Variants in GALNTL6 observed in about 807,000 individuals in gnomAD.
GALNTL6 encodes polypeptide N-acetylgalactosaminyltransferase like 6.
GALNTL6 carries 46 observed loss-of-function variants against 73.7 expected under a neutral mutation model. The observed-to-expected ratio is 0.62, with a 90% CI of 0.49 to 0.80. The LOEUF (loss-of-function observed/expected upper bound fraction) is 0.80. Ranked by LOEUF, GALNTL6 falls within the 30% of genes least tolerant of loss-of-function variation. GALNTL6 has a pLI of 0.00. For synonymous variants in GALNTL6, 259 were observed against 263.7 expected (o/e 0.98, Z 0.17); for missense variants, 604 against 755.0 (o/e 0.80, Z 2.34).
At chr4:172,131,442 C>T (rs910346409) in intron 2 of GALNTL6, among the ~76,000 whole-genome samples, 25 of 136,960 alleles carry the variant, frequency 1.8e-4, no homozygotes, top group East Asian at 1.0e-3. Context: ...CACACACACA[C>T]GCATATATAT....
chr4:172,934,363 C>G (rs1748501081), intron 9 of GALNTL6, among the ~76,000 whole-genome samples: 1 of 151,872 alleles, frequency 6.6e-6, no homozygotes, highest in Non-Finnish European at 1.5e-5. Flanking sequence ...ATGATAATCC[C>G]AAAGATAAAC....
At chr4:172,397,557 ATTT>A (rs1464444838) in intron 5 of GALNTL6, among the ~76,000 whole-genome samples, 1 of 27,148 alleles carries the variant, frequency 3.7e-5, no homozygotes, top group Non-Finnish European at 6.2e-5. Flanking sequence ...TAAGTATCTC[ATTT>A]ATTTATTTAT....
chr4:172,533,170 C>T (rs1735224785), intron 5 of GALNTL6, among the ~76,000 whole-genome samples: 1 of 151,794 alleles, frequency 6.6e-6, no homozygotes, highest in Admixed American at 6.6e-5. Context: ...CACCACCATG[C>T]CTGGCTAATT....
intron 5 of GALNTL6, among the ~76,000 whole-genome samples, chr4:172,493,280 A>G (rs1287552249): frequency 1.3e-5 from 2 of 152,192 alleles, no homozygotes; most frequent in East Asian, 1.9e-4. Flanking sequence ...AATGTAAATA[A>G]TATTTTGAGA....
intron 2 of GALNTL6, among the ~76,000 whole-genome samples, chr4:172,031,068 A>G (rs1336368675): frequency 2.0e-5 from 3 of 152,096 alleles, no homozygotes. Context: ...AAAGATTATC[A>G]TAGAAATGCC....
At chr4:171,838,094 T>C (rs1412839259) in intron 2 of GALNTL6, among the ~76,000 whole-genome samples, 1 of 148,672 alleles carries the variant, frequency 6.7e-6, no homozygotes, top group Non-Finnish European at 1.5e-5. Context: ...AAGTTTAAAA[T>C]TCATTGTTTC....
chr4:172,307,933 T>A (rs1199569456), intron 3 of GALNTL6, among the ~76,000 whole-genome samples: 1 of 151,560 alleles, frequency 6.6e-6, no homozygotes, highest in Non-Finnish European at 1.5e-5. Context: ...AATGTATAGA[T>A]TGCTTTTGGT....
chr4:171,881,740 G>C (rs964431703), intron 2 of GALNTL6, among the ~76,000 whole-genome samples: 1 of 152,198 alleles, frequency 6.6e-6, no homozygotes, highest in Non-Finnish European at 1.5e-5. Flanking sequence ...AAGAAAGTTT[G>C]ATGTTACTAA....
At chr4:172,776,251 G>A (rs145661816) in intron 5 of GALNTL6, among the ~76,000 whole-genome samples, 5 of 152,256 alleles carry the variant, frequency 3.3e-5, no homozygotes, top group East Asian at 3.9e-4. Flanking sequence ...TCAGAGATTC[G>A]GGAGTAACCT....
At chr4:171,971,413 T>G (rs777096061) in intron 2 of GALNTL6, among the ~76,000 whole-genome samples, 2 of 152,212 alleles carry the variant, frequency 1.3e-5, no homozygotes, top group Non-Finnish European at 2.9e-5. Flanking sequence ...TTTTTTGAGG[T>G]GTGTGAACAC....
chr4:172,308,544 A>C (rs1336834076), intron 3 of GALNTL6, among the ~76,000 whole-genome samples: 1 of 152,046 alleles, frequency 6.6e-6, no homozygotes, highest in Non-Finnish European at 1.5e-5. Flanking sequence ...TCATAAAGGG[A>C]TGCTGGATTT....
intron 12 of GALNTL6, among the ~76,000 whole-genome samples, chr4:173,030,564 G>GA (rs930923735): frequency 2.6e-5 from 4 of 152,082 alleles, no homozygotes; most frequent in Non-Finnish European, 5.9e-5. Flanking sequence ...TAGGAACTAT[G>GA]AAAAAATCAA....
At chr4:171,819,189 C>T (rs2110799446) in intron 2 of GALNTL6, among the ~76,000 whole-genome samples, 1 of 152,060 alleles carries the variant, frequency 6.6e-6, no homozygotes, top group Admixed American at 6.5e-5. Context: ...TCTTAATTAG[C>T]TAAGATGTAG....
rs17059049 is a variant in GALNTL6 at position 172,951,780 on chromosome 4, T to G, written c.1150-257T>G. 3.2e-3 allele frequency among the ~76,000 whole-genome samples: 491 copies of G among 152,310 alleles called. 1 individual carries two copies. Among genetic ancestry groups the G allele is most frequent in the African/African-American group, 0.011 (465 of 41,556 alleles). The stretch of plus-strand genomic sequence containing the variant: ...AGCTGATGTAATAGTGAGCTGAATC[T>G]TTACTGGCTCTGATAAATTAACTAC... On this transcript the variant is annotated intron_variant, in intron 9 of 12. Coordinates refer to ENST00000506823, the MANE Select transcript of GALNTL6 (RefSeq NM_001034845.3).
intron 2 of GALNTL6, among the ~76,000 whole-genome samples, chr4:171,877,719 CGGAA>C (rs1430224779): frequency 6.6e-6 from 1 of 151,760 alleles, no homozygotes; most frequent in Non-Finnish European, 1.5e-5. Context: ...GATGCTTTTC[CGGAA>C]ACGGAACTGC....
chr4:171,862,191 AATTTT>A (rs1487083067), intron 2 of GALNTL6, among the ~76,000 whole-genome samples: 1 of 152,118 alleles, frequency 6.6e-6, no homozygotes, highest in Non-Finnish European at 1.5e-5. Context: ...AATAAATTAG[AATTTT>A]ATTTGAGAGA....
chr4:171,898,597 A>C (rs1049027562), intron 2 of GALNTL6, among the ~76,000 whole-genome samples: 2 of 152,166 alleles, frequency 1.3e-5, no homozygotes, highest in Admixed American at 1.3e-4. Context: ...AGCCAGAAGA[A>C]TGATGAAAAC....
chr4:172,240,067 TG>T (rs1304893807), intron 3 of GALNTL6, among the ~76,000 whole-genome samples: 3 of 152,192 alleles, frequency 2.0e-5, no homozygotes, highest in Non-Finnish European at 4.4e-5. Context: ...TGAATTTGAA[TG>T]TTGGACTCTT....
chr4:172,588,456 T>C (rs1181396008), intron 5 of GALNTL6, among the ~76,000 whole-genome samples: 2 of 149,704 alleles, frequency 1.3e-5, no homozygotes, highest in Non-Finnish European at 3.0e-5. Context: ...TAGCTGAGCG[T>C]GGTGGCGTGT....
Sources: gnomAD v4.1 joint callset for allele counts (sites outside exome capture counted in the v4.1 genomes callset) on GRCh38, gnomAD v4.1.1 for gene constraint, MANE v1.5 for transcripts, NCBI Gene and HGNC (gene_info 2026-07-23, HGNC 2026-07-21) for gene names.